The following ADSS2 variants were observed in gnomAD, a reference collection of about 807,000 sequenced individuals.
ADSS2 encodes the protein adenylosuccinate synthetase isozyme 2.
ADSS2 carries 30 observed loss-of-function variants against 60.0 expected under a neutral mutation model. The ratio of observed to expected loss-of-function variants is 0.50; its 90% CI spans 0.37 to 0.68. The LOEUF is 0.68. Ranked by LOEUF, ADSS2 falls within the 30% of genes least tolerant of loss-of-function variation. The probability of loss-of-function intolerance (pLI) is 0.00; values close to 1 mark genes in which losing one functional copy is unlikely to be tolerated. For synonymous variants in ADSS2, 187 were observed against 193.1 expected, an observed-to-expected ratio of 0.97 and a Z score of 0.26; for missense variants, 373 against 554.8, an observed-to-expected ratio of 0.67 and a Z score of 3.29.
intron 4 of ADSS2, among the ~76,000 whole-genome samples, chr1:244,428,779 A>G (rs1463712617): frequency 6.6e-6 from 1 of 152,196 alleles, no homozygotes; most frequent in African/African-American, 2.4e-5. Flanking sequence ...CAATAATTTC[A>G]TAAGTTAGAT....
At chr1:244,441,318 A>C (rs1178321156) in intron 1 of ADSS2, among the ~76,000 whole-genome samples, 1 of 152,122 alleles carries the variant, frequency 6.6e-6, no homozygotes, top group African/African-American at 2.4e-5. Flanking sequence ...TCGGCCTTCC[A>C]AAGTGCTGGG....
At position 244,424,315 on chromosome 1, in the gene ADSS2, A is replaced by G. The variant is rs755823515; in HGVS notation, c.473+6T>C. On this transcript the variant is annotated splice_donor_region_variant and intron_variant, in intron 5 of 12. Transcript: ENST00000366535. ...CTGTACCAAAAAAACAAAAACCCAC[A>G]CATACTTTTTTCCTGCTTGTTCTTG... The G allele has an allele frequency of 5.6e-6, 9 of 1,612,852 alleles. No individual in the cohort carries two copies. Among genetic ancestry groups the G allele is most frequent in the Non-Finnish European group, 5.9e-6 (7 of 1,179,210 alleles).
chr1:244,437,611 C>G (rs148629263), intron 2 of ADSS2, 55 bp downstream of exon 2: 2 of 1,215,746 alleles, frequency 1.6e-6, no homozygotes, highest in East Asian at 4.7e-5. Flanking sequence ...AAAAAATAAA[C>G]GCCATTATCA....
chr1:244,411,157 G>A, intron 12 of ADSS2, 130 bp downstream of exon 12: 1 of 868,778 alleles, frequency 1.2e-6, no homozygotes. Flanking sequence ...GGAGGCAGAG[G>A]TTGCAGTGAG....
At chr1:244,435,447 C>T (rs1558277295) in intron 3 of ADSS2, among the ~76,000 whole-genome samples, 1 of 152,132 alleles carries the variant, frequency 6.6e-6, no homozygotes, top group African/African-American at 2.4e-5. Flanking sequence ...ATACACCTTA[C>T]ATATCAATTG....
intron 2 of ADSS2, 82 bp downstream of exon 2, chr1:244,437,583 GA>G: frequency 1.0e-6 from 1 of 993,092 alleles, no homozygotes; most frequent in South Asian, 1.4e-5. Context: ...AGTGAGAGAT[GA>G]AAACAGTTTT....
chr1:244,420,566 C>A (rs1373073971), intron 7 of ADSS2, among the ~76,000 whole-genome samples: 3 of 151,956 alleles, frequency 2.0e-5, no homozygotes, highest in Non-Finnish European at 4.4e-5. Context: ...CAAATAAAAC[C>A]CTCCCAGCAA....
At chr1:244,428,436 A>G (rs1442493629) in intron 4 of ADSS2, among the ~76,000 whole-genome samples, 1 of 152,080 alleles carries the variant, frequency 6.6e-6, no homozygotes, top group Non-Finnish European at 1.5e-5. Context: ...TAACATAATT[A>G]CATGTGTTAG....
At chr1:244,417,552 G>T (rs1469685181) in intron 10 of ADSS2, 76 bp downstream of exon 10, 6 of 1,529,514 alleles carry the variant, frequency 3.9e-6, no homozygotes, top group Non-Finnish European at 5.3e-6. Context: ...TCCTATTAAG[G>T]TACTCCACAA....
intron 11 of ADSS2, among the ~76,000 whole-genome samples, chr1:244,412,083 C>A (rs1664429289): frequency 6.6e-6 from 1 of 152,178 alleles, no homozygotes; most frequent in Non-Finnish European, 1.5e-5. Context: ...CCAAAGGGAG[C>A]TGCTGCCCCC....
intron 1 of ADSS2, among the ~76,000 whole-genome samples, chr1:244,442,316 T>C (rs1415245586): frequency 6.6e-6 from 1 of 151,860 alleles, no homozygotes; most frequent in Non-Finnish European, 1.5e-5. Context: ...GGGGGAAAAA[T>C]TGGCTTAACT....
At position 244,434,698 on chromosome 1, in the gene ADSS2, G is replaced by A. The variant is rs73129726; in HGVS notation, c.356-2103C>T. 5.3e-3 allele frequency among the ~76,000 whole-genome samples: 814 copies of A among 152,202 alleles called. 14 individuals are homozygous for A. The highest frequency in any genetic ancestry group is 0.018 in the African/African-American group (734 of 41,528). Reference sequence around the variant, plus strand: ...GTAGATAAAGAGCAGGGTTGGATAGGCTAGAAGGAAAAAGGGAGTAGGACA... The same window carrying A: ...GTAGATAAAGAGCAGGGTTGGATAGACTAGAAGGAAAAAGGGAGTAGGACA... On this transcript the variant is annotated intron_variant, in intron 3 of 12. Transcript: ENST00000366535.
rs1023671917 is a variant in ADSS2, at chr1:244,408,532, G to T, written c.*1054C>A. 6.6e-6 allele frequency: 1 copy of T among 152,398 alleles called. No individual in the cohort carries two copies. The highest frequency in any genetic ancestry group is 2.4e-5 in the African/African-American group (1 of 41,366). The allele number at this position is 152,398 out of a possible 1,614,324, so 9.4% of individuals were successfully genotyped here. A position where few individuals can be genotyped will look rare whatever the true frequency, so the allele number is the denominator to read the frequency against. ...TGGTTCTTTTAATCAGCTATTCATG[G>T]TGTAATAAAATAAATTTAAGTGGCA... On this transcript the variant is annotated 3_prime_UTR_variant, in exon 13 of 13. Transcript: ENST00000366535.
rs1664358277 is a variant in ADSS2 at position 244,409,327 on chromosome 1, A to G, written c.*259T>C. 1 of 309,918 alleles carries G rather than the reference A, an allele frequency of 3.2e-6. No individual in the cohort carries two copies. Among genetic ancestry groups the G allele is most frequent in the Non-Finnish European group, 5.6e-6 (1 of 177,974 alleles). 19.2% of individuals were successfully genotyped at this position (309,918 alleles called of 1,614,324 possible). ...AACATGGATTATACTATTACTAAAC[A>G]TTGAAAAAAAAAACGTGGCACCATG... On this transcript the variant is annotated 3_prime_UTR_variant, in exon 13 of 13. Coordinates refer to ENST00000366535, the MANE Select transcript of ADSS2 (RefSeq NM_001126.5).
chr1:244,425,820 C>A (rs1320342714), intron 4 of ADSS2, among the ~76,000 whole-genome samples: 1 of 151,942 alleles, frequency 6.6e-6, no homozygotes, highest in Non-Finnish European at 1.5e-5. Context: ...TGTCTTAGTG[C>A]CACACAGTTA....
Position 244,451,889 on chromosome 1 carries a change from G to C in ADSS2, c.-72C>G, listed in dbSNP as rs1325171378. The C allele has an allele frequency of 7.2e-7, 1 of 1,393,192 alleles. No homozygotes were observed. The highest frequency in any genetic ancestry group is 9.4e-7 in the Non-Finnish European group (1 of 1,062,706). The allele number at this position is 1,393,192 out of a possible 1,614,324, so 86.3% of individuals were successfully genotyped here. On this transcript the variant is annotated 5_prime_UTR_variant, in exon 1 of 13. Transcript: ENST00000366535. This position sits in a 1 kb window ranked among gnomAD's most constrained non-coding sequence, Gnocchi z 6.6. ...GAGTGAGCGAACTGAACTGCTCTGC[G>C]GCCGCCAGCCACATGCAGAGGAAGA...
chr1:244,419,616 T>G (rs967453489), intron 8 of ADSS2, among the ~76,000 whole-genome samples: 1 of 152,184 alleles, frequency 6.6e-6, no homozygotes, highest in Non-Finnish European at 1.5e-5. Context: ...CAGTAAAAGC[T>G]GAGAACAATC....
At chr1:244,409,789 G>T in intron 12 of ADSS2, 151 bp from the exon 13 acceptor site, 1 of 634,084 alleles carries the variant, frequency 1.6e-6, no homozygotes, top group Non-Finnish European at 2.8e-6. Flanking sequence ...TTAGCAGACT[G>T]TGCCGATTTC....
chr1:244,427,467 G>C (rs958697236), intron 4 of ADSS2, among the ~76,000 whole-genome samples: 1 of 152,112 alleles, frequency 6.6e-6, no homozygotes, highest in Non-Finnish European at 1.5e-5. Flanking sequence ...TCCAACCATA[G>C]TGATAATTAA....
Sources: allele counts gnomAD v4.1 joint callset (sites outside exome capture counted in the v4.1 genomes callset), GRCh38; gene constraint gnomAD v4.1.1; non-coding constraint Gnocchi (gnomAD v3.1); transcripts MANE v1.5; gene names NCBI Gene and HGNC (gene_info 2026-07-23, HGNC 2026-07-21).